Variants in TACC2 observed in about 807,000 individuals in gnomAD.
TACC2 encodes the protein transforming acidic coiled-coil-containing protein 2.
Under a neutral mutation model 227.3 loss-of-function variants are expected in TACC2, and 137 were observed. The observed-to-expected ratio is 0.60, with a 90% CI of 0.52 to 0.69. The LOEUF (loss-of-function observed/expected upper bound fraction) is 0.69, where lower values mean the gene tolerates loss of function less well. TACC2 is among the 30% of genes least tolerant of loss of function. The pLI is 0.00. For synonymous variants in TACC2, 1,523 were observed against 1,487.5 expected, an observed-to-expected ratio of 1.02 and a Z score of -0.55; for missense variants, 3,470 against 3,694.4, an observed-to-expected ratio of 0.94 and a Z score of 1.57.
rs968805545 is a variant in TACC2 at position 122,205,522 on chromosome 10, A to G, written c.5972-4875A>G. On this transcript the variant is annotated intron_variant, in intron 8 of 22. Coordinates refer to ENST00000369005, the MANE Select transcript of TACC2 (RefSeq NM_206862.4). This position sits in a 1 kb window ranked among gnomAD's most constrained non-coding sequence, Gnocchi z 4.5. ...CCAAGCTTATCCTCAAAGCTGACTC[A>G]TTTTTGTGGCCAAATACTAAAGTGT... Among the ~76,000 whole-genome samples, 6 of 152,200 alleles carry G rather than the reference A, an allele frequency of 3.9e-5. No homozygotes were observed. Among genetic ancestry groups the G allele is most frequent in the African/African-American group, 1.4e-4 (6 of 41,464 alleles).
At chr10:122,058,389 CT>C (rs1445508647) in intron 3 of TACC2, among the ~76,000 whole-genome samples, 1 of 152,040 alleles carries the variant, frequency 6.6e-6, no homozygotes, top group Non-Finnish European at 1.5e-5. Context: ...GATGGCCAGC[CT>C]GCAGGCTGCA....
At chr10:122,055,393 G>A (rs1041872769) in intron 3 of TACC2, among the ~76,000 whole-genome samples, 1 of 152,158 alleles carries the variant, frequency 6.6e-6, no homozygotes, top group African/African-American at 2.4e-5. Context: ...AAAAGAACGA[G>A]ATCATGTCCT....
intron 3 of TACC2, chr10:122,052,677 C>T (rs11200369): frequency 0.49 from 64,790 of 133,438 alleles, 14,829 homozygotes; most frequent in East Asian, 0.57. Context: ...AGTGAGACTA[C>T]GCCTCAAAAA....
chr10:122,001,102 C>T (rs1954263383), intron 1 of TACC2, among the ~76,000 whole-genome samples: 1 of 152,334 alleles, frequency 6.6e-6, no homozygotes, highest in South Asian at 2.1e-4. Flanking sequence ...GGATTACAGG[C>T]GTGAGCCACT....
intron 7 of TACC2, among the ~76,000 whole-genome samples, chr10:122,193,158 T>C (rs1278957769): frequency 1.3e-5 from 2 of 152,218 alleles, no homozygotes; most frequent in Non-Finnish European, 2.9e-5. Flanking sequence ...GTTTGGCTCA[T>C]TGGATCCCAT....
intron 13 of TACC2, among the ~76,000 whole-genome samples, chr10:122,226,838 A>C (rs1296861886): frequency 6.6e-6 from 1 of 152,136 alleles, no homozygotes; most frequent in Non-Finnish European, 1.5e-5. Context: ...TCAGCAGTTG[A>C]CTGTGTGTCC....
At chr10:121,990,342 C>G (rs12244921) in intron 1 of TACC2, among the ~76,000 whole-genome samples, 1 of 151,374 alleles carries the variant, frequency 6.6e-6, no homozygotes, top group Non-Finnish European at 1.5e-5. Context: ...GGTCTCAAAC[C>G]CCTAGGCTCA....
chr10:122,224,544 A>G (rs993101127), intron 11 of TACC2, among the ~76,000 whole-genome samples, 182 bp from the exon 12 acceptor site: 2 of 152,172 alleles, frequency 1.3e-5, no homozygotes, highest in Non-Finnish European at 2.9e-5. Flanking sequence ...TTGTCTGAAA[A>G]TAGCCGAACT....
chr10:122,211,740 G>C, intron 9 of TACC2, 32 bp downstream of exon 9: 1 of 1,516,054 alleles, frequency 6.6e-7, no homozygotes. Flanking sequence ...GTAAGGATCA[G>C]AGGCGGGGGT....
In TACC2 at chr10:122,196,474, G is replaced by A. The variant is rs186292890; in HGVS notation, c.5971+1298G>A. 3.1e-3 allele frequency among the ~76,000 whole-genome samples: 468 copies of A among 152,158 alleles called. 2 individuals are homozygous for A. Among genetic ancestry groups the A allele is most frequent in the Non-Finnish European group, 5.6e-3 (379 of 67,968 alleles). ...AGATGCCAGACTCTGGGAGGATAGT[G>A]ACGGATATTTCTTTGATTTGAAAGT... On this transcript the variant is annotated intron_variant, in intron 8 of 22. Coordinates refer to ENST00000369005, the MANE Select transcript of TACC2 (RefSeq NM_206862.4).
At chr10:122,014,408 A>G (rs1591047487) in intron 1 of TACC2, among the ~76,000 whole-genome samples, 1 of 151,866 alleles carries the variant, frequency 6.6e-6, no homozygotes. Context: ...ATGGCATTTC[A>G]CTATGTTGGC....
chr10:121,994,071 C>T (rs962967292), intron 1 of TACC2, among the ~76,000 whole-genome samples: 3 of 152,174 alleles, frequency 2.0e-5, no homozygotes, highest in Non-Finnish European at 4.4e-5. Context: ...CCAGCCGCTT[C>T]GTTTCCCATT....
chr10:122,252,896 C>T (rs1303560551), intron 22 of TACC2, among the ~76,000 whole-genome samples: 1 of 152,178 alleles, frequency 6.6e-6, no homozygotes, highest in African/African-American at 2.4e-5. Context: ...ACCTCAGATG[C>T]AAATTTGAGC....
chr10:122,238,203 T>G (rs577298259), intron 18 of TACC2, among the ~76,000 whole-genome samples, 166 bp downstream of exon 18: 2 of 152,308 alleles, frequency 1.3e-5, no homozygotes, highest in South Asian at 4.1e-4. Flanking sequence ...TCTATTACTA[T>G]TACTAAAATA....
chr10:122,107,876 A>ATTTTTTTTTTTTTTTTTTTTT, intron 5 of TACC2, among the ~76,000 whole-genome samples: 1 of 85,588 alleles, frequency 1.2e-5, no homozygotes, highest in Admixed American at 1.3e-4. Context: ...ATATATATAT[A>ATTTTTTTTTTTTTTTTTTTTT]TATATTTTTT....
intron 3 of TACC2, among the ~76,000 whole-genome samples, chr10:122,063,377 C>G (rs2077046897): frequency 6.6e-6 from 1 of 152,166 alleles, no homozygotes; most frequent in South Asian, 2.1e-4. Context: ...CTGCTTCTGA[C>G]TCATTATTTA....
Position 122,131,231 on chromosome 10 carries a change from G to A in TACC2, c.5574-1378G>A, listed in dbSNP as rs567261781. On this transcript the variant is annotated intron_variant, in intron 5 of 22. Transcript: ENST00000369005. ...ACTCTTGCCTGAAGCTGTCCCATGA[G>A]ACGTCCCATGAAGGCAGGGACCGCT... 8.1e-5 allele frequency among the ~76,000 whole-genome samples: 12 copies of A among 148,668 alleles called. No homozygotes were observed. The East Asian group carries it at 2.2e-3, about 27-fold the overall frequency.
At chr10:122,229,534 A>G in intron 15 of TACC2, 48 bp downstream of exon 15, 1 of 1,609,426 alleles carries the variant, frequency 6.2e-7, no homozygotes, top group Non-Finnish European at 8.5e-7. Flanking sequence ...AAACCTCAGT[A>G]GAGAATGAAC....
At chr10:122,076,328 C>T (rs1420307353) in intron 3 of TACC2, among the ~76,000 whole-genome samples, 1 of 152,182 alleles carries the variant, frequency 6.6e-6, no homozygotes, top group African/African-American at 2.4e-5. Context: ...AGGGCCTTCA[C>T]AACCCAATCA....
Sources: gnomAD v4.1 joint callset for allele counts (sites outside exome capture counted in the v4.1 genomes callset) on GRCh38, gnomAD v4.1.1 for gene constraint, Gnocchi (gnomAD v3.1) non-coding constraint, MANE v1.5 for transcripts, NCBI Gene and HGNC (gene_info 2026-07-23, HGNC 2026-07-21) for gene names.